Variants in WWTR1 observed in about 807,000 individuals in gnomAD.
WWTR1 encodes the protein WW domain-containing transcription regulator protein 1.
A neutral mutation model predicts 40.1 loss-of-function variants in WWTR1; 13 were observed. That is an observed-to-expected ratio of 0.32 (90% CI 0.21 to 0.52). The LOEUF (loss-of-function observed/expected upper bound fraction) is 0.52, where lower values mean the gene tolerates loss of function less well. Among genes scored for constraint, WWTR1 ranks in the 20% least tolerant of loss-of-function variants. The pLI is 0.97. For missense variants in WWTR1, 436 were observed against 523.1 expected (o/e 0.83, Z 1.63); for synonymous variants, 230 against 210.1 (o/e 1.09, Z -0.82).
At chr3:149,542,613 T>G (rs1736167926) in intron 3 of WWTR1, 76 bp from the exon 4 acceptor site, 2 of 1,448,376 alleles carry the variant, frequency 1.4e-6, no homozygotes, top group Non-Finnish European at 1.9e-6. Context: ...TCAGAATGTT[T>G]TCTGCTTTGG....
chr3:149,559,746 T>A (rs557903525), intron 3 of WWTR1, among the ~76,000 whole-genome samples: 82 of 152,328 alleles, frequency 5.4e-4, no homozygotes, highest in African/African-American at 1.9e-3. Flanking sequence ...ATGCTTTTGA[T>A]AACTGATTGG....
At chr3:149,566,265 T>G (rs555458180) in intron 3 of WWTR1, among the ~76,000 whole-genome samples, 1 of 152,184 alleles carries the variant, frequency 6.6e-6, no homozygotes. Flanking sequence ...CCTTTCCCCC[T>G]GTCCTGTGCC....
At chr3:149,687,260 T>C (rs1052657118) in intron 1 of WWTR1, among the ~76,000 whole-genome samples, 2 of 152,224 alleles carry the variant, frequency 1.3e-5, no homozygotes, top group South Asian at 4.1e-4. Context: ...AGCTGCATCA[T>C]AGCCTCTAGA....
rs546984493 is a variant in WWTR1, at chr3:149,598,961, A to C, written c.432-25961T>G. ...TAAGTCATTATATATGGATTTTTAA[A>C]TTATTATTTGTACATAAGAACAATT... On this transcript the variant is annotated intron_variant, in intron 2 of 6. Coordinates refer to ENST00000360632, the MANE Select transcript of WWTR1 (RefSeq NM_015472.6). Among the ~76,000 whole-genome samples the C allele has an allele frequency of 2.0e-5, 3 of 152,316 alleles. No individual in the cohort carries two copies. The East Asian group carries it at 5.8e-4, about 29-fold the overall frequency.
intron 3 of WWTR1, among the ~76,000 whole-genome samples, chr3:149,547,841 A>G (rs1192114455): frequency 8.3e-6 from 1 of 120,372 alleles, no homozygotes; most frequent in Admixed American, 8.8e-5. Context: ...TTTTTTTTTT[A>G]ATAATTGGCT....
At chr3:149,578,231 AAT>A (rs1316800431) in intron 2 of WWTR1, among the ~76,000 whole-genome samples, 2 of 152,222 alleles carry the variant, frequency 1.3e-5, no homozygotes, top group Admixed American at 6.5e-5. Context: ...GCCCGGGTTT[AAT>A]ATTAGCTCTG....
At chr3:149,694,099 C>T (rs1230007566) in intron 1 of WWTR1, among the ~76,000 whole-genome samples, 2 of 152,150 alleles carry the variant, frequency 1.3e-5, no homozygotes, top group Non-Finnish European at 2.9e-5. Context: ...ATCCATCTAA[C>T]AAGGGATTAA....
chr3:149,617,522 A>G (rs962675248), intron 2 of WWTR1, among the ~76,000 whole-genome samples: 2 of 152,258 alleles, frequency 1.3e-5, no homozygotes, highest in Non-Finnish European at 2.9e-5. Flanking sequence ...AAATCAGGCC[A>G]GGCGCAGTGG....
intron 4 of WWTR1, among the ~76,000 whole-genome samples, chr3:149,529,414 TA>T (rs945299144): frequency 9.2e-4 from 139 of 151,498 alleles, no homozygotes; most frequent in African/African-American, 2.4e-3. Flanking sequence ...CTGATTGATT[TA>T]AAAAAAAACT....
chr3:149,587,151 G>A (rs1027533398), intron 2 of WWTR1, among the ~76,000 whole-genome samples: 1 of 152,156 alleles, frequency 6.6e-6, no homozygotes, highest in African/African-American at 2.4e-5. Context: ...GCTGGAGGGG[G>A]TGCAGTCTTG....
chr3:149,596,678 A>G (rs1739015554), intron 2 of WWTR1, among the ~76,000 whole-genome samples: 1 of 152,236 alleles, frequency 6.6e-6, no homozygotes. Context: ...CTTTGAAGCC[A>G]TGTTGCATAA....
intron 3 of WWTR1, among the ~76,000 whole-genome samples, chr3:149,565,534 T>C (rs893447370): frequency 1.2e-4 from 18 of 152,194 alleles, no homozygotes; most frequent in Non-Finnish European, 2.5e-4. Flanking sequence ...CTTTATTACA[T>C]AAAAGGAACT....
intron 3 of WWTR1, among the ~76,000 whole-genome samples, chr3:149,555,574 A>G (rs923101744): frequency 2.6e-5 from 4 of 152,144 alleles, no homozygotes; most frequent in Non-Finnish European, 5.9e-5. Context: ...GGAAACCTGT[A>G]TAAATATGCA....
intron 3 of WWTR1, among the ~76,000 whole-genome samples, chr3:149,546,196 G>A (rs1736357144): frequency 6.6e-6 from 1 of 152,174 alleles, no homozygotes; most frequent in East Asian, 1.9e-4. Flanking sequence ...TGATCTTTCA[G>A]ACTAAACATC....
chr3:149,632,403 C>G (rs1462413332), intron 2 of WWTR1, among the ~76,000 whole-genome samples: 1 of 152,100 alleles, frequency 6.6e-6, no homozygotes, highest in East Asian at 1.9e-4. Context: ...CATTATGTGG[C>G]AGATCCATGA....
chr3:149,699,296 T>C (rs1408078491), intron 1 of WWTR1, among the ~76,000 whole-genome samples: 1 of 150,908 alleles, frequency 6.6e-6, no homozygotes, highest in Non-Finnish European at 1.5e-5. Flanking sequence ...ATCATTCTTT[T>C]TTTTTTTTTT....
intron 2 of WWTR1, among the ~76,000 whole-genome samples, chr3:149,597,016 A>G (rs143104335): frequency 6.6e-6 from 1 of 152,362 alleles, no homozygotes; most frequent in East Asian, 1.9e-4. Flanking sequence ...TGATTAGGAC[A>G]CAATGATCTA....
chr3:149,621,059 C>T (rs1740241841), intron 2 of WWTR1, among the ~76,000 whole-genome samples: 1 of 152,212 alleles, frequency 6.6e-6, no homozygotes, highest in African/African-American at 2.4e-5. Flanking sequence ...AACAAATGTG[C>T]TGCCGTTCTT....
Position 149,567,812 on chromosome 3 carries a change from A to G in WWTR1, c.568+5052T>C, listed in dbSNP as rs189881061. The stretch of plus-strand genomic sequence containing the variant: ...ATGAGACTCAGAGGTTAAATAACCC[A>G]ATACATAAACGTCTAAATTAAGAGA... On this transcript the variant is annotated intron_variant, in intron 3 of 6. Transcript: ENST00000360632. Among the ~76,000 whole-genome samples, 283 of 152,334 alleles carry G rather than the reference A, an allele frequency of 1.9e-3. 1 individual carries two copies. The highest frequency in any genetic ancestry group is 6.4e-3 in the African/African-American group (266 of 41,560).
Sources: allele counts gnomAD v4.1 joint callset (sites outside exome capture counted in the v4.1 genomes callset), GRCh38; gene constraint gnomAD v4.1.1; transcripts MANE v1.5; gene names NCBI Gene and HGNC (gene_info 2026-07-23, HGNC 2026-07-21).